The following SVIL variants were observed in gnomAD, a reference collection of about 807,000 sequenced individuals.
The protein encoded by SVIL is archvillin.
In SVIL, 101 loss-of-function variants were observed where a neutral mutation model predicts 240.4. The observed-to-expected ratio is 0.42, with a 90% CI of 0.36 to 0.50. The LOEUF (loss-of-function observed/expected upper bound fraction) is 0.50. Ranked by LOEUF, SVIL falls within the 20% of genes least tolerant of loss-of-function variation. The pLI is 0.01. For synonymous variants in SVIL, 999 were observed against 1,100.0 expected, an observed-to-expected ratio of 0.91 and a Z score of 1.82; for missense variants, 2,512 against 2,818.7, an observed-to-expected ratio of 0.89 and a Z score of 2.46.
chr10:29,615,075 A>G (rs1589390640), intron 1 of SVIL, among the ~76,000 whole-genome samples: 2 of 152,362 alleles, frequency 1.3e-5, no homozygotes, highest in South Asian at 4.1e-4. Context: ...TGGAATTTGA[A>G]CCAACACTAG....
At chr10:29,472,645 T>C (rs1188252906) in intron 30 of SVIL, among the ~76,000 whole-genome samples, 1 of 152,206 alleles carries the variant, frequency 6.6e-6, no homozygotes, top group Non-Finnish European at 1.5e-5. Flanking sequence ...GCCTTGGATC[T>C]GGGCAGCAGT....
intron 1 of SVIL, among the ~76,000 whole-genome samples, chr10:29,606,794 G>A (rs894911736): frequency 3.9e-5 from 6 of 151,920 alleles, no homozygotes; most frequent in Admixed American, 6.6e-5. Context: ...TTGTTCTGTC[G>A]CCCAGGCTGG....
chr10:29,549,023 A>C (rs368661201), intron 6 of SVIL, among the ~76,000 whole-genome samples: 26 of 151,950 alleles, frequency 1.7e-4, no homozygotes, highest in Non-Finnish European at 2.8e-4. Flanking sequence ...AATGGGATCT[A>C]ATTAAACTAA....
intron 1 of SVIL, among the ~76,000 whole-genome samples, chr10:29,711,589 C>T (rs565360406): frequency 3.9e-5 from 6 of 151,930 alleles, no homozygotes; most frequent in African/African-American, 7.2e-5. Context: ...GGTGAAACTC[C>T]GTTTATACTA....
intron 1 of SVIL, among the ~76,000 whole-genome samples, chr10:29,702,152 G>A (rs1962559966): frequency 8.5e-6 from 1 of 117,732 alleles, no homozygotes; most frequent in African/African-American, 3.2e-5. Flanking sequence ...TCCAGCCTGG[G>A]TAATAGAGCG....
chr10:29,624,323 A>C (rs1957782727), intron 1 of SVIL, among the ~76,000 whole-genome samples: 1 of 152,168 alleles, frequency 6.6e-6, no homozygotes, highest in African/African-American at 2.4e-5. Context: ...GGATCACCTG[A>C]GGTCAGGAGT....
At chr10:29,509,052 C>A (rs559046287) in intron 17 of SVIL, among the ~76,000 whole-genome samples, 136 of 152,268 alleles carry the variant, frequency 8.9e-4, no homozygotes, top group Non-Finnish European at 1.7e-3. Context: ...GACTTTGCTT[C>A]GTTTGATTTC....
At chr10:29,529,588 CTG>C in intron 12 of SVIL, 115 bp downstream of exon 12, 1 of 1,257,752 alleles carries the variant, frequency 8.0e-7, no homozygotes. Context: ...ACTAACTTCT[CTG>C]TGGCTTCTAG....
chr10:29,462,069 G>A (rs558750778), intron 36 of SVIL, among the ~76,000 whole-genome samples: 2 of 152,330 alleles, frequency 1.3e-5, no homozygotes, highest in South Asian at 4.1e-4. Context: ...TTTGGGTATC[G>A]TGTAGAAAAT....
At chr10:29,518,411 T>A in intron 16 of SVIL, among the ~76,000 whole-genome samples, 1 of 151,638 alleles carries the variant, frequency 6.6e-6, no homozygotes, top group Non-Finnish European at 1.5e-5. Context: ...AATAAATAAA[T>A]AAATATAAAA....
intron 1 of SVIL, among the ~76,000 whole-genome samples, chr10:29,579,891 C>T (rs527980176): frequency 1.3e-5 from 2 of 151,792 alleles, no homozygotes; most frequent in African/African-American, 2.4e-5. Context: ...CACTGGGGGG[C>T]GGATGCAAGG....
At chr10:29,494,887 C>A (rs1217784275) in intron 20 of SVIL, 27 bp downstream of exon 20, 1 of 1,602,782 alleles carries the variant, frequency 6.2e-7, no homozygotes, top group Non-Finnish European at 8.5e-7. Context: ...ATTCTGAGAG[C>A]AAAGCCTTCT....
chr10:29,663,933 C>T (rs1024012305), intron 2 of SVIL, among the ~76,000 whole-genome samples: 3 of 152,172 alleles, frequency 2.0e-5, no homozygotes, highest in African/African-American at 7.2e-5. Flanking sequence ...GGAGAGGGAG[C>T]TAAAATAAGA....
chr10:29,531,412 G>GGTA, intron 9 of SVIL, 124 bp from the exon 10 acceptor site: 1 of 932,458 alleles, frequency 1.1e-6, no homozygotes, highest in South Asian at 1.5e-5. Flanking sequence ...ATAACCTCCT[G>GGTA]GTAGCAATTC....
chr10:29,603,912 T>G (rs1956908982), intron 1 of SVIL, among the ~76,000 whole-genome samples: 1 of 152,206 alleles, frequency 6.6e-6, no homozygotes, highest in African/African-American at 2.4e-5. Flanking sequence ...AAGCCCACAG[T>G]ACAGTCTTTA....
chr10:29,653,607 A>G (rs1216009523), intron 3 of SVIL, among the ~76,000 whole-genome samples: 2 of 152,050 alleles, frequency 1.3e-5, no homozygotes, highest in African/African-American at 2.4e-5. Flanking sequence ...TCCTTTTGGT[A>G]TCATATCTTA....
rs539280952 is a variant in SVIL at position 29,559,450 on chromosome 10, C to T, written c.-51+3751G>A. ...AAATTCTTCAGTGTGTATTTCTTAACAAAAAAGAATAAGAATGCTTTTCAA... is the reference window on the plus strand; with the variant it reads ...AAATTCTTCAGTGTGTATTTCTTAATAAAAAAGAATAAGAATGCTTTTCAA... On this transcript the variant is annotated intron_variant, in intron 3 of 37. Transcript: ENST00000355867. Among the ~76,000 whole-genome samples the T allele has an allele frequency of 3.6e-4, 54 of 152,106 alleles. 1 individual carries two copies. In the South Asian group the frequency reaches 0.011, roughly 32 times the overall value.
intron 1 of SVIL, among the ~76,000 whole-genome samples, chr10:29,694,208 A>G (rs1961744005): frequency 6.7e-6 from 1 of 150,204 alleles, no homozygotes; most frequent in African/African-American, 2.5e-5. Flanking sequence ...AGCCTGGGCA[A>G]CAGAGCAAGA....
At chr10:29,520,746 C>T (rs1438258468) in intron 16 of SVIL, among the ~76,000 whole-genome samples, 2 of 151,718 alleles carry the variant, frequency 1.3e-5, no homozygotes, top group Admixed American at 1.3e-4. Flanking sequence ...CCCAACTCTA[C>T]AAAAAATCTT....
Sources: allele counts gnomAD v4.1 joint callset (sites outside exome capture counted in the v4.1 genomes callset), GRCh38; gene constraint gnomAD v4.1.1; transcripts MANE v1.5; gene names NCBI Gene and HGNC (gene_info 2026-07-23, HGNC 2026-07-21).